The following PACS2 variants were observed in gnomAD, a reference collection of about 807,000 sequenced individuals.
The protein encoded by PACS2 is phosphofurin acidic cluster sorting protein 2.
PACS2 carries 36 observed loss-of-function variants against 113.0 expected under a neutral mutation model. The observed-to-expected ratio is 0.32, with a 90% confidence interval of 0.24 to 0.42. PACS2 has a LOEUF of 0.42. Ranked by LOEUF, PACS2 falls within the 10% of genes least tolerant of loss-of-function variation. PACS2 has a pLI of 1.00. For synonymous variants in PACS2, 589 were observed against 536.1 expected, an observed-to-expected ratio of 1.10 and a Z score of -1.36; for missense variants, 1,015 against 1,239.5, an observed-to-expected ratio of 0.82 and a Z score of 2.72.
At chr14:105,342,878 T>G (rs1231125665) in intron 1 of PACS2, among the ~76,000 whole-genome samples, 6 of 147,242 alleles carry the variant, frequency 4.1e-5, no homozygotes, top group South Asian at 4.3e-4. Context: ...GAGGTTGCAG[T>G]GAGCCAAGAT....
intron 8 of PACS2, 31 bp downstream of exon 8, chr14:105,369,931 C>T (rs2061088523): frequency 6.3e-7 from 1 of 1,577,430 alleles, no homozygotes; most frequent in Non-Finnish European, 8.6e-7. Flanking sequence ...GCTCGCGGCC[C>T]CCACGCCTGC....
At chr14:105,378,853 G>T (rs1415909273) in intron 9 of PACS2, among the ~76,000 whole-genome samples, 1 of 152,126 alleles carries the variant, frequency 6.6e-6, no homozygotes, top group East Asian at 1.9e-4. Flanking sequence ...GGTCTGCAAG[G>T]GTCTGGTTTG....
intron 2 of PACS2, among the ~76,000 whole-genome samples, chr14:105,350,498 G>A (rs1224829706): frequency 6.6e-6 from 1 of 152,092 alleles, no homozygotes; most frequent in Admixed American, 6.5e-5. Flanking sequence ...CCTCTGTGTA[G>A]CGCATGGACT....
In PACS2 at chr14:105,348,107, G is replaced by GGATA. The variant is rs2060011738; in HGVS notation, c.120-385_120-384insATAG. 6.6e-6 allele frequency among the ~76,000 whole-genome samples: 1 copy of GGATA among 152,160 alleles called. No individual in the cohort carries two copies. Among genetic ancestry groups the GGATA allele is most frequent in the African/African-American group, 2.4e-5 (1 of 41,426 alleles). On this transcript the variant is annotated intron_variant, in intron 1 of 24. Transcript: ENST00000447393. The surrounding 1 kb of genome is among the most constrained non-coding windows in gnomAD (Gnocchi z 6.4). The stretch of plus-strand genomic sequence containing the variant: ...TGGGCCTGGGGCTGGATAGGGCCGC[G>GGATA]GGAGAGGGGAGGCCTGTGCTCTCAC...
intron 1 of PACS2, among the ~76,000 whole-genome samples, chr14:105,342,989 T>C (rs587736287): frequency 6.0e-5 from 9 of 150,544 alleles, no homozygotes; most frequent in African/African-American, 2.2e-4. Context: ...CCCTCACACC[T>C]TTTTTCGTAT....
chr14:105,332,644 G>C (rs2059347957), intron 1 of PACS2, among the ~76,000 whole-genome samples: 1 of 152,130 alleles, frequency 6.6e-6, no homozygotes, highest in South Asian at 2.1e-4. Context: ...CTCCCTCCTC[G>C]GGCACTGCAT....
At chr14:105,334,289 AC>A (rs1290962972) in intron 1 of PACS2, among the ~76,000 whole-genome samples, 1 of 152,138 alleles carries the variant, frequency 6.6e-6, no homozygotes, top group African/African-American at 2.4e-5. Flanking sequence ...CAGGCCACAG[AC>A]CCCACCTGAC....
Position 105,377,417 on chromosome 14 carries a change from C to T in PACS2, c.959+492C>T, listed in dbSNP as rs2080824740. Among the ~76,000 whole-genome samples, 3 of 151,912 alleles carry T rather than the reference C, an allele frequency of 2.0e-5. No individual in the cohort carries two copies. The South Asian group carries it at 6.2e-4, about 32-fold the overall frequency. ...GCTGGCTGGGGTGGCCTGGCCTGGG[C>T]AGGAGGAGAGGATGCAGGGCAGGCA... On this transcript the variant is annotated intron_variant, in intron 9 of 24. Transcript: ENST00000447393.
intron 1 of PACS2, among the ~76,000 whole-genome samples, chr14:105,331,904 C>T (rs937685283): frequency 1.2e-4 from 18 of 152,200 alleles, no homozygotes; most frequent in African/African-American, 4.1e-4. Flanking sequence ...TCACAGAGTT[C>T]TTCTAGGTTG....
intron 2 of PACS2, among the ~76,000 whole-genome samples, chr14:105,349,146 A>T (rs981596179): frequency 1.3e-5 from 2 of 152,202 alleles, no homozygotes; most frequent in African/African-American, 4.8e-5. Flanking sequence ...TAGAGCTGCC[A>T]TGACCCTTGC....
chr14:105,363,390 T>G (rs1471274441), intron 4 of PACS2, among the ~76,000 whole-genome samples: 1 of 152,198 alleles, frequency 6.6e-6, no homozygotes, highest in Non-Finnish European at 1.5e-5. Flanking sequence ...AACTAGACCT[T>G]CTAGAGAACT....
At chr14:105,343,138 A>T (rs2059796191) in intron 1 of PACS2, among the ~76,000 whole-genome samples, 1 of 152,080 alleles carries the variant, frequency 6.6e-6, no homozygotes, top group Admixed American at 6.6e-5. Context: ...TGCCATAGAG[A>T]TGGACAAAAA....
At chr14:105,377,694 C>T (rs928631816) in intron 9 of PACS2, among the ~76,000 whole-genome samples, 1 of 152,250 alleles carries the variant, frequency 6.6e-6, no homozygotes, top group African/African-American at 2.4e-5. Context: ...CCTCCCACCT[C>T]ACCTGCCCCG....
chr14:105,391,512 T>TGGCCCCCCCCCCC, intron 21 of PACS2, 119 bp from the exon 22 acceptor site: 8 of 611,300 alleles, frequency 1.3e-5, no homozygotes, highest in Admixed American at 2.8e-5. Flanking sequence ...CACTGGGGAC[T>TGGCCCCCCCCCCC]CCCACCCTGC....
rs782085413 is a variant in PACS2 at position 105,393,347 on chromosome 14, C to T, written c.2596+12C>T. On this transcript the variant is annotated intron_variant, in intron 24 of 24. Transcript: ENST00000447393. ...GAACATGCTGCGGGGTGAGCACCAC[C>T]GGCCCCGGGGTCTGTAGAGTGGGAC... 36 of 1,585,406 alleles carry T rather than the reference C, an allele frequency of 2.3e-5. No individual in the cohort carries two copies. Among genetic ancestry groups the T allele is most frequent in the Middle Eastern group, 1.7e-4 (1 of 6,040 alleles).
In PACS2 at chr14:105,333,843, AGT is replaced by A. The variant is rs149966382; in HGVS notation, c.120-14646_120-14645del. ...CAGGGGCTTGGCCCCGGAGGCCTGCAGTGTGAGGCGTGGCCCACAGGCCTTCC... is the reference window on the plus strand; with the variant it reads ...CAGGGGCTTGGCCCCGGAGGCCTGCAGTGAGGCGTGGCCCACAGGCCTTCC... On this transcript the variant is annotated intron_variant, in intron 1 of 24. Coordinates refer to ENST00000447393, the MANE Select transcript of PACS2 (RefSeq NM_001100913.3). 1.2e-3 allele frequency among the ~76,000 whole-genome samples: 189 copies of A among 152,314 alleles called. 1 individual carries two copies. The highest frequency in any genetic ancestry group is 2.3e-3 in the Non-Finnish European group (158 of 68,016).
At chr14:105,393,747 G>A (rs1312909573) in intron 24 of PACS2, among the ~76,000 whole-genome samples, 6 of 151,640 alleles carry the variant, frequency 4.0e-5, no homozygotes, top group Admixed American at 1.3e-4. Context: ...GTGCCACCAC[G>A]CCCGGCTAAT....
chr14:105,371,458 C>T (rs1015407506), intron 8 of PACS2: 6 of 152,260 alleles, frequency 3.9e-5, no homozygotes, highest in South Asian at 4.1e-4. Flanking sequence ...ACGTCACAGA[C>T]GCTGTTCAGG....
intron 10 of PACS2, 91 bp from the exon 11 acceptor site, chr14:105,379,989 G>A (rs1252019978): frequency 1.5e-6 from 2 of 1,362,152 alleles, no homozygotes; most frequent in African/African-American, 1.4e-5. Flanking sequence ...GGTACCCCGG[G>A]CCTCCCTGAG....
Sources: allele counts gnomAD v4.1 joint callset (sites outside exome capture counted in the v4.1 genomes callset), GRCh38; gene constraint gnomAD v4.1.1; non-coding constraint Gnocchi (gnomAD v3.1); transcripts MANE v1.5; gene names NCBI Gene and HGNC (gene_info 2026-07-23, HGNC 2026-07-21).